Variants in RBFOX1 observed in about 807,000 individuals in gnomAD.
RBFOX1 encodes RNA binding protein fox-1 homolog 1.
In RBFOX1, 8 loss-of-function variants were observed where a neutral mutation model predicts 57.7. The ratio of observed to expected loss-of-function variants is 0.14; its 90% CI spans 0.08 to 0.25. RBFOX1 has a LOEUF of 0.25. Ranked by LOEUF, RBFOX1 falls within the 10% of genes least tolerant of loss-of-function variation. The probability of loss-of-function intolerance (pLI) is 1.00; values close to 1 mark genes in which losing one functional copy is unlikely to be tolerated. For synonymous variants in RBFOX1, 326 were observed against 222.4 expected (o/e 1.47, Z -4.15); for missense variants, 611 against 548.5 (o/e 1.11, Z -1.14).
chr16:5,801,847 T>A (rs544523055), intron 3 of RBFOX1, among the ~76,000 whole-genome samples: 1 of 152,178 alleles, frequency 6.6e-6, no homozygotes, highest in Non-Finnish European at 1.5e-5. Flanking sequence ...ATCAGAATGT[T>A]CAGTTTTGCT....
intron 2 of RBFOX1, among the ~76,000 whole-genome samples, chr16:6,502,376 C>T (rs2095962225): frequency 6.6e-6 from 1 of 152,102 alleles, no homozygotes; most frequent in African/African-American, 2.4e-5. Flanking sequence ...TGTCCCAAAC[C>T]AGTGGTATAA....
At chr16:6,119,482 T>A (rs758664010) in intron 1 of RBFOX1, among the ~76,000 whole-genome samples, 5 of 152,222 alleles carry the variant, frequency 3.3e-5, no homozygotes, top group Non-Finnish European at 7.3e-5. Context: ...CCTTTGAACT[T>A]AAAAGTACAC....
chr16:6,615,853 C>A (rs572157944), intron 2 of RBFOX1, among the ~76,000 whole-genome samples: 2 of 152,286 alleles, frequency 1.3e-5, no homozygotes, highest in East Asian at 3.9e-4. Context: ...CTGCTTGGCA[C>A]GTGGAACTGC....
At chr16:7,109,722 G>C (rs1463676553) in intron 4 of RBFOX1, among the ~76,000 whole-genome samples, 1 of 152,134 alleles carries the variant, frequency 6.6e-6, no homozygotes, top group Non-Finnish European at 1.5e-5. Flanking sequence ...AGGTGGAAAA[G>C]AAGAGGGGTC....
chr16:7,037,304 C>G (rs2044793274), intron 3 of RBFOX1, among the ~76,000 whole-genome samples: 1 of 137,624 alleles, frequency 7.3e-6, no homozygotes, highest in South Asian at 2.4e-4. Context: ...TGCACCGGCA[C>G]AATCTTGGCT....
At chr16:6,612,325 C>G (rs745421474) in intron 2 of RBFOX1, among the ~76,000 whole-genome samples, 1 of 152,162 alleles carries the variant, frequency 6.6e-6, no homozygotes, top group African/African-American at 2.4e-5. Context: ...ATATTACAAA[C>G]TAAACTGCAG....
At chr16:6,878,441 G>C (rs1442114547) in intron 3 of RBFOX1, among the ~76,000 whole-genome samples, 2 of 152,160 alleles carry the variant, frequency 1.3e-5, no homozygotes, top group Non-Finnish European at 2.9e-5. Context: ...GAGAGTCTTT[G>C]AGAAGCAACA....
chr16:6,698,166 C>T (rs2061328932), intron 3 of RBFOX1, among the ~76,000 whole-genome samples: 1 of 152,130 alleles, frequency 6.6e-6, no homozygotes, highest in African/African-American at 2.4e-5. Context: ...ATATTTCTTC[C>T]ACCTCCCTTA....
intron 3 of RBFOX1, among the ~76,000 whole-genome samples, chr16:5,624,702 A>T (rs895530729): frequency 6.6e-6 from 1 of 152,250 alleles, no homozygotes; most frequent in South Asian, 2.1e-4. Context: ...ATGCATATGC[A>T]TCAGGCTAGC....
At chr16:7,018,560 C>T (rs1473640006) in intron 3 of RBFOX1, among the ~76,000 whole-genome samples, 1 of 152,086 alleles carries the variant, frequency 6.6e-6, no homozygotes, top group Non-Finnish European at 1.5e-5. Context: ...GTCCTTATAG[C>T]AGCATAATTT....
At chr16:6,833,408 C>G (rs972488803) in intron 3 of RBFOX1, among the ~76,000 whole-genome samples, 22 of 152,124 alleles carry the variant, frequency 1.4e-4, no homozygotes, top group African/African-American at 5.3e-4. Flanking sequence ...CTCAGGTGAT[C>G]AACCTGCCTC....
In RBFOX1 at chr16:5,698,548, A is replaced by T. The variant is rs555602893; in HGVS notation, c.318+99587A>T. Reference sequence around the variant, plus strand: ...TTATAGTTTATTTTTTGATTGTAAAAATATATCTAAACAAAAATACTGTAT... The same window carrying T: ...TTATAGTTTATTTTTTGATTGTAAATATATATCTAAACAAAAATACTGTAT... On this transcript the variant is annotated intron_variant, in intron 3 of 19. Coordinates refer to the RBFOX1 transcript ENST00000641259. Among the ~76,000 whole-genome samples, 9 of 152,256 alleles carry T rather than the reference A, an allele frequency of 5.9e-5. No individual in the cohort carries two copies. In the East Asian group the frequency reaches 1.7e-3, roughly 29 times the overall value.
At chr16:5,626,463 T>C (rs566096598) in intron 3 of RBFOX1, among the ~76,000 whole-genome samples, 1 of 152,328 alleles carries the variant, frequency 6.6e-6, no homozygotes, top group African/African-American at 2.4e-5. Flanking sequence ...TTCAAGACCC[T>C]GTCCTTGATA....
At position 7,490,938 on chromosome 16, in the gene RBFOX1, A is replaced by T. The variant is rs181340257; in HGVS notation, c.28-27209A>T. ...GATTCTTAGACAGTTTCAATCTCTT[A>T]TCTTCTTTAGGTGGCCTAAAATCTA... On this transcript the variant is annotated intron_variant, in intron 4 of 15. Coordinates refer to ENST00000550418, the MANE Select transcript of RBFOX1 (RefSeq NM_018723.4). 4.6e-3 allele frequency among the ~76,000 whole-genome samples: 707 copies of T among 152,218 alleles called. 5 individuals carry two copies. Among genetic ancestry groups the T allele is most frequent in the Non-Finnish European group, 8.2e-3 (557 of 68,010 alleles).
chr16:6,803,232 A>T (rs560210594), intron 3 of RBFOX1, among the ~76,000 whole-genome samples: 2 of 152,250 alleles, frequency 1.3e-5, no homozygotes, highest in African/African-American at 4.8e-5. Context: ...ATTGCCTATG[A>T]CATTGCTGTT....
At chr16:6,087,944 C>T (rs553822264) in intron 1 of RBFOX1, among the ~76,000 whole-genome samples, 2 of 152,192 alleles carry the variant, frequency 1.3e-5, no homozygotes, top group East Asian at 3.9e-4. Context: ...AGCCACCACA[C>T]CCAGCCTTAT....
chr16:6,254,234 A>G (rs1292440831), intron 1 of RBFOX1, among the ~76,000 whole-genome samples: 1 of 152,182 alleles, frequency 6.6e-6, no homozygotes, highest in Non-Finnish European at 1.5e-5. Flanking sequence ...TCATGCAGTG[A>G]GCCTGGATCC....
intron 4 of RBFOX1, among the ~76,000 whole-genome samples, chr16:5,894,989 C>G (rs1267274090): frequency 6.6e-6 from 1 of 152,030 alleles, no homozygotes; most frequent in Non-Finnish European, 1.5e-5. Context: ...TGCCACTGCA[C>G]TCCAGCCTGG....
intron 2 of RBFOX1, among the ~76,000 whole-genome samples, chr16:5,502,193 C>T (rs958293439): frequency 2.6e-5 from 4 of 152,064 alleles, no homozygotes; most frequent in Admixed American, 2.6e-4. Context: ...AATGAGATGG[C>T]ATGGAGGCAG....
Sources: allele counts gnomAD v4.1 joint callset (sites outside exome capture counted in the v4.1 genomes callset), GRCh38; gene constraint gnomAD v4.1.1; transcripts MANE v1.5; gene names NCBI Gene and HGNC (gene_info 2026-07-23, HGNC 2026-07-21).